Variants in FHIP1B observed in about 807,000 individuals in gnomAD.
FHIP1B encodes FHF complex subunit HOOK interacting protein 1B, also known as FHF complex subunit HOOK-interacting protein 1B.
Under a neutral mutation model 82.2 loss-of-function variants are expected in FHIP1B, and 28 were observed. That is an observed-to-expected ratio of 0.34 (90% CI 0.25 to 0.47). FHIP1B has a LOEUF of 0.47. FHIP1B is among the 20% of genes least tolerant of loss of function. The probability of loss-of-function intolerance (pLI) is 1.00; values close to 1 mark genes in which losing one functional copy is unlikely to be tolerated. For missense variants in FHIP1B, 1,110 were observed against 1,262.6 expected (o/e 0.88, Z 1.83); for synonymous variants, 585 against 516.1 (o/e 1.13, Z -1.81).
intron 5 of FHIP1B, 95 bp from the exon 6 acceptor site, chr11:6,222,704 G>T: frequency 6.4e-7 from 1 of 1,560,214 alleles, no homozygotes; most frequent in Non-Finnish European, 8.8e-7. Flanking sequence ...GGAGCAGACA[G>T]GGCAAAAGGG....
intron 1 of FHIP1B, among the ~76,000 whole-genome samples, chr11:6,226,864 A>G (rs949676532): frequency 1.3e-5 from 2 of 152,262 alleles, no homozygotes; most frequent in Non-Finnish European, 2.9e-5. Context: ...AGGTAACAGA[A>G]TAAGATGGAG....
intron 11 of FHIP1B, 125 bp from the exon 12 acceptor site, chr11:6,211,992 A>T: frequency 7.0e-7 from 1 of 1,427,136 alleles, no homozygotes; most frequent in Non-Finnish European, 9.1e-7. Context: ...GAAATGGAAA[A>T]AAGGACAAAA....
At position 6,217,738 on chromosome 11, in the gene FHIP1B, C is replaced by A. The variant is rs201971513; in HGVS notation, c.1848G>T (p.Arg616Ser). The A allele has an allele frequency of 4.1e-4, 657 of 1,599,374 alleles. 4 individuals carry two copies. In the African/African-American group the frequency reaches 6.4e-3, roughly 16 times the overall value. The change falls in exon 9 of 12, where the codon AGG (arginine) becomes AGT (serine). Residue 616 changes from arginine to serine, a missense_variant. By Grantham distance (110) the Arg-to-Ser change is moderately radical. Transcript: ENST00000449352. ...VGEGEEEELG[R>S]RGRAGGAGEG... ...CCCCTGCACCCCCAGCCCGCCCCCT[C>A]CTCCCCAGCTCTTCCTCCTCCCCTT...
chr11:6,225,865 G>A (rs887309565), intron 1 of FHIP1B, among the ~76,000 whole-genome samples: 1 of 152,128 alleles, frequency 6.6e-6, no homozygotes, highest in Non-Finnish European at 1.5e-5. Context: ...TTTCCAGTAA[G>A]GAAGACAGAC....
intron 1 of FHIP1B, among the ~76,000 whole-genome samples, chr11:6,231,966 T>C (rs898952321): frequency 1.3e-5 from 2 of 152,236 alleles, no homozygotes; most frequent in East Asian, 1.9e-4. Flanking sequence ...GCACAGACTA[T>C]ATGTTGAAGA....
chr11:6,216,377 G>A (rs1241106609), intron 9 of FHIP1B, among the ~76,000 whole-genome samples: 1 of 152,228 alleles, frequency 6.6e-6, no homozygotes, highest in Non-Finnish European at 1.5e-5. Context: ...TGTACCCAGA[G>A]ATCCTAGTGA....
chr11:6,217,359 T>A lies in FHIP1B; in HGVS notation c.2215+12A>T. 2 of 1,612,032 alleles carry A rather than the reference T, an allele frequency of 1.2e-6. No individual in the cohort carries two copies. The highest frequency in any genetic ancestry group is 1.7e-6 in the Non-Finnish European group (2 of 1,178,372). On this transcript the variant is annotated intron_variant, in intron 9 of 11. Transcript: ENST00000449352. Reference sequence around the variant, plus strand: ...AGTACACAGAAGGGAAGGCCTAGGCTAAGTAGCTTACCAGTGAAGGGCTGG... The same window carrying A: ...AGTACACAGAAGGGAAGGCCTAGGCAAAGTAGCTTACCAGTGAAGGGCTGG...
At chr11:6,214,343 G>A (rs1356648071) in intron 11 of FHIP1B, 68 bp downstream of exon 11, 9 of 1,493,350 alleles carry the variant, frequency 6.0e-6, no homozygotes, top group East Asian at 4.6e-5. Context: ...CTTAATAAGA[G>A]CTCAATTAAC....
chr11:6,232,359 C>T (rs1847720388), intron 1 of FHIP1B, among the ~76,000 whole-genome samples: 1 of 152,202 alleles, frequency 6.6e-6, no homozygotes, highest in Non-Finnish European at 1.5e-5. Flanking sequence ...ATACCTGTTC[C>T]AATGTCACTG....
chr11:6,218,443 C>T, intron 8 of FHIP1B, 157 bp downstream of exon 8: 1 of 1,168,660 alleles, frequency 8.6e-7, no homozygotes, highest in South Asian at 1.5e-5. Flanking sequence ...GTTAAGGGTC[C>T]TCCCTGCAAG....
At position 6,224,156 on chromosome 11, in the gene FHIP1B, C is replaced by T; in HGVS notation, c.231G>A (p.Leu77=). Residue 77 remains leucine (L), a synonymous_variant, in exon 3 of 12, where the codon TTG becomes TTA. Coordinates refer to ENST00000449352, the MANE Select transcript of FHIP1B (RefSeq NM_001098794.2). ...CTGCACGGTCCTCTGCCAGCAGTGTCAACATCTGGTAAGTGTGGTTGCGCA... is the reference window on the plus strand; with the variant it reads ...CTGCACGGTCCTCTGCCAGCAGTGTTAACATCTGGTAAGTGTGGTTGCGCA... ...SAVRNHTYQM[L]TLLAEDRAVP... 1.2e-6 allele frequency: 2 copies of T among 1,614,058 alleles called. No homozygotes were observed. The highest frequency in any genetic ancestry group is 8.5e-7 in the Non-Finnish European group (1 of 1,179,990).
At chr11:6,212,059 G>C in intron 11 of FHIP1B, 192 bp from the exon 12 acceptor site, 1 of 697,868 alleles carries the variant, frequency 1.4e-6, no homozygotes, top group Non-Finnish European at 1.8e-6. Flanking sequence ...AGTTGACTCT[G>C]AGGAGTAGAG....
intron 6 of FHIP1B, 119 bp from the exon 7 acceptor site, chr11:6,219,169 T>TC: frequency 1.4e-6 from 1 of 695,224 alleles, no homozygotes. Flanking sequence ...CTAGAGGAAC[T>TC]CCTAGAGGAC....
intron 1 of FHIP1B, among the ~76,000 whole-genome samples, chr11:6,233,069 T>G (rs1015691624): frequency 2.0e-5 from 3 of 152,360 alleles, no homozygotes; most frequent in Admixed American, 2.0e-4. Flanking sequence ...AACTCTGAAC[T>G]GTAAGTTCTG....
In FHIP1B at chr11:6,223,501, T is replaced by C; in HGVS notation, c.777+109A>G. 1 of 1,391,584 alleles carries C rather than the reference T, an allele frequency of 7.2e-7. No individual in the cohort carries two copies. The highest frequency in any genetic ancestry group is 9.8e-7 in the Non-Finnish European group (1 of 1,023,392). 86.2% of individuals were successfully genotyped at this position (1,391,584 alleles called of 1,614,324 possible). On this transcript the variant is annotated intron_variant, in intron 3 of 11. Coordinates refer to ENST00000449352, the MANE Select transcript of FHIP1B (RefSeq NM_001098794.2). This position sits in a 1 kb window ranked among gnomAD's most constrained non-coding sequence, Gnocchi z 4.8. The stretch of plus-strand genomic sequence containing the variant: ...GCTGCTTTCAAATCCAGGAACTGTT[T>C]CCTAGGGGAACGGGCCCTGGAACAT...
Position 6,223,555 on chromosome 11 carries a change from G to A in FHIP1B, c.777+55C>T, listed in dbSNP as rs948022969. 1.1e-5 allele frequency: 17 copies of A among 1,517,386 alleles called. No homozygotes were observed. The African/African-American group carries it at 2.0e-4, about 17-fold the overall frequency. 94.0% of individuals were successfully genotyped at this position (1,517,386 alleles called of 1,614,324 possible). The stretch of plus-strand genomic sequence containing the variant: ...CTCTCCCCATCTCCTGGATAGGAAG[G>A]TGCTGTTCAGTATCTACACACCACA... On this transcript the variant is annotated intron_variant, in intron 3 of 11. Transcript: ENST00000449352. The surrounding 1 kb of genome is among the most constrained non-coding windows in gnomAD (Gnocchi z 4.8).
At chr11:6,213,522 C>T (rs1264686504) in intron 11 of FHIP1B, among the ~76,000 whole-genome samples, 1 of 152,200 alleles carries the variant, frequency 6.6e-6, no homozygotes, top group African/African-American at 2.4e-5. Context: ...TCTAGTCACT[C>T]TCCAGATTGT....
At chr11:6,233,916 G>A (rs1048480110) in intron 1 of FHIP1B, among the ~76,000 whole-genome samples, 2 of 152,168 alleles carry the variant, frequency 1.3e-5, no homozygotes, top group African/African-American at 4.8e-5. Flanking sequence ...TGAAGTCTGA[G>A]CCTCAAATAT....
chr11:6,231,081 C>T (rs1213441381), intron 1 of FHIP1B, among the ~76,000 whole-genome samples: 1 of 151,970 alleles, frequency 6.6e-6, no homozygotes, highest in Non-Finnish European at 1.5e-5. Flanking sequence ...CAGAAAATAG[C>T]AAGTTTTAAG....
Sources: allele counts gnomAD v4.1 joint callset (sites outside exome capture counted in the v4.1 genomes callset), GRCh38; gene constraint gnomAD v4.1.1; non-coding constraint Gnocchi (gnomAD v3.1); transcripts MANE v1.5; gene names NCBI Gene and HGNC (gene_info 2026-07-23, HGNC 2026-07-21).